CTTNBP2: variants seen among roughly 807,000 people sequenced by gnomAD.
CTTNBP2 encodes the protein cortactin binding protein 2.
A neutral mutation model predicts 156.9 loss-of-function variants in CTTNBP2; 108 were observed. The ratio of observed to expected loss-of-function variants is 0.69; its 90% CI spans 0.59 to 0.81. CTTNBP2 has a LOEUF of 0.81. Ranked by LOEUF, CTTNBP2 falls within the 30% of genes least tolerant of loss-of-function variation. CTTNBP2 has a pLI of 0.00. For synonymous variants in CTTNBP2, 767 were observed against 751.8 expected, an observed-to-expected ratio of 1.02 and a Z score of -0.33; for missense variants, 1,924 against 2,035.4, an observed-to-expected ratio of 0.95 and a Z score of 1.05.
chr7:117,749,719 TA>T (rs1178817302), intron 12 of CTTNBP2, among the ~76,000 whole-genome samples: 1 of 152,120 alleles, frequency 6.6e-6, no homozygotes, highest in Non-Finnish European at 1.5e-5. Flanking sequence ...ATTTTTTTTT[TA>T]ATCACCAGGA....
At chr7:117,796,575 A>G (rs138470864) in intron 3 of CTTNBP2, among the ~76,000 whole-genome samples, 9 of 152,356 alleles carry the variant, frequency 5.9e-5, no homozygotes, top group African/African-American at 1.7e-4. Context: ...TTGGTTCTGT[A>G]TGATCCTAAT....
At chr7:117,855,153 G>A (rs1803211312) in intron 2 of CTTNBP2, among the ~76,000 whole-genome samples, 1 of 152,188 alleles carries the variant, frequency 6.6e-6, no homozygotes. Context: ...GCTGTTGCAA[G>A]TGGTTGGGCT....
chr7:117,811,421 C>G (rs1800273174), intron 2 of CTTNBP2, among the ~76,000 whole-genome samples: 1 of 152,056 alleles, frequency 6.6e-6, no homozygotes, highest in Admixed American at 6.6e-5. Context: ...CTGCCTCAGC[C>G]TGTCTTATAG....
chr7:117,782,799 G>A (rs961565239), intron 6 of CTTNBP2, 63 bp downstream of exon 6: 25 of 1,085,422 alleles, frequency 2.3e-5, no homozygotes, highest in Admixed American at 4.2e-5. Flanking sequence ...ACTAAAATAC[G>A]TGTGCAAATT....
intron 2 of CTTNBP2, among the ~76,000 whole-genome samples, chr7:117,841,900 A>G (rs1444320419): frequency 6.6e-6 from 1 of 152,178 alleles, no homozygotes; most frequent in East Asian, 1.9e-4. Flanking sequence ...ATCAGAATCC[A>G]CAAGCAGGAC....
Position 117,718,085 on chromosome 7 carries a change from T to TCAAA in CTTNBP2, c.4675_4678dup (p.Asp1560ValfsTer2), listed in dbSNP as rs1422959791. 6.2e-7 allele frequency: 1 copy of TCAAA among 1,613,202 alleles called. No homozygotes were observed. Among genetic ancestry groups the TCAAA allele is most frequent in the Admixed American group, 1.7e-5 (1 of 60,010 alleles). ...AAGTACAGGGTTGTTTCCAGAACTA[T>TCAAA]CAAACATCCTTAAATCATCCCTGGA... On this transcript the variant is annotated stop_gained and frameshift_variant, in exon 22 of 23. Transcript: ENST00000160373. LOFTEE classifies it high-confidence loss of function.
Position 117,745,867 on chromosome 7 carries a change from A to T in CTTNBP2, c.3499T>A (p.Ser1167Thr), listed in dbSNP as rs903083091. The T allele has an allele frequency of 4.3e-6, 7 of 1,613,952 alleles. No individual in the cohort carries two copies. The highest frequency in any genetic ancestry group is 5.9e-6 in the Non-Finnish European group (7 of 1,179,944). ...AACAGGTCTAGTAGCTGTTCCTTGG[A>T]AAAACCAGCATCTACTTCAGCTCTC... ...IVRAEVDAGF[S>T]KEQLLDLFIS... The change falls in exon 14 of 23, where the codon TCC becomes ACC. Residue 1167 changes from serine to threonine, a missense_variant. By Grantham distance (58) the Ser-to-Thr change is moderately conservative. Coordinates refer to ENST00000160373, the MANE Select transcript of CTTNBP2 (RefSeq NM_033427.3).
At chr7:117,867,704 T>C (rs956655550) in intron 1 of CTTNBP2, among the ~76,000 whole-genome samples, 1 of 152,220 alleles carries the variant, frequency 6.6e-6, no homozygotes, top group African/African-American at 2.4e-5. Context: ...ATTCTCTCAG[T>C]GTTTCAAAAA....
chr7:117,797,268 G>A (rs980634072), intron 3 of CTTNBP2, among the ~76,000 whole-genome samples: 5 of 152,202 alleles, frequency 3.3e-5, no homozygotes, highest in Non-Finnish European at 2.9e-5. Flanking sequence ...ACAGAGCTGA[G>A]CAAAGACCTC....
intron 3 of CTTNBP2, among the ~76,000 whole-genome samples, chr7:117,794,179 T>A (rs908075950): frequency 2.6e-5 from 4 of 152,206 alleles, no homozygotes. Flanking sequence ...TCTGGCTAAG[T>A]GGGCAGCCTC....
chr7:117,871,808 CA>C (rs1563083092), intron 1 of CTTNBP2: 5 of 371,482 alleles, frequency 1.3e-5, no homozygotes, highest in Non-Finnish European at 1.5e-5. Context: ...CACACACACA[CA>C]CACACACACC....
intron 12 of CTTNBP2, among the ~76,000 whole-genome samples, chr7:117,750,784 C>T (rs185908321): frequency 1.2e-4 from 18 of 152,268 alleles, no homozygotes; most frequent in Non-Finnish European, 2.5e-4. Flanking sequence ...ATATACTCCA[C>T]GCTTCCAGCA....
intron 16 of CTTNBP2, among the ~76,000 whole-genome samples, chr7:117,732,758 CA>C (rs1234819119): frequency 2.7e-5 from 4 of 150,162 alleles, no homozygotes; most frequent in African/African-American, 4.9e-5. Context: ...GATATTAAGA[CA>C]GGGGACAATT....
At chr7:117,864,701 TATA>T (rs1205395523) in intron 1 of CTTNBP2, among the ~76,000 whole-genome samples, 3 of 144,462 alleles carry the variant, frequency 2.1e-5, no homozygotes, top group African/African-American at 7.5e-5. Context: ...TATATATTCA[TATA>T]TTCATATATA....
At chr7:117,835,497 A>T (rs1801870247) in intron 2 of CTTNBP2, among the ~76,000 whole-genome samples, 1 of 152,282 alleles carries the variant, frequency 6.6e-6, no homozygotes, top group South Asian at 2.1e-4. Context: ...GCAAACACTC[A>T]GCTGTAACCT....
intron 2 of CTTNBP2, among the ~76,000 whole-genome samples, chr7:117,819,616 C>G (rs1301481381): frequency 6.6e-6 from 1 of 152,130 alleles, no homozygotes; most frequent in Non-Finnish European, 1.5e-5. Context: ...ATCTCAGACA[C>G]TGCATCTGTG....
chr7:117,758,173 A>G (rs941284653), intron 10 of CTTNBP2: 1 of 553,600 alleles, frequency 1.8e-6, no homozygotes. Context: ...GAAGGCTTTC[A>G]ATCTACAGAC....
chr7:117,840,193 A>G (rs1454999339), intron 2 of CTTNBP2, among the ~76,000 whole-genome samples: 1 of 152,186 alleles, frequency 6.6e-6, no homozygotes. Flanking sequence ...AATCATTGCT[A>G]GTTCCAGAAA....
intron 2 of CTTNBP2, among the ~76,000 whole-genome samples, chr7:117,851,385 C>T (rs778074462): frequency 6.6e-6 from 1 of 152,092 alleles, no homozygotes; most frequent in Non-Finnish European, 1.5e-5. Flanking sequence ...CCCCACCAAC[C>T]CCCTCACACA....
Sources: allele counts gnomAD v4.1 joint callset (sites outside exome capture counted in the v4.1 genomes callset), GRCh38; gene constraint gnomAD v4.1.1; transcripts MANE v1.5; gene names NCBI Gene and HGNC (gene_info 2026-07-23, HGNC 2026-07-21).